RBM26: variants seen among roughly 807,000 people sequenced by gnomAD.
RBM26 encodes the protein RNA-binding protein 26.
RBM26 carries 30 observed loss-of-function variants against 123.6 expected under a neutral mutation model. The observed-to-expected ratio is 0.24, with a 90% CI of 0.18 to 0.33. The LOEUF is 0.33. RBM26 is among the 10% of genes least tolerant of loss of function. The pLI is 1.00. For synonymous variants in RBM26, 400 were observed against 404.4 expected, an observed-to-expected ratio of 0.99 and a Z score of 0.13; for missense variants, 947 against 1,203.6, an observed-to-expected ratio of 0.79 and a Z score of 3.15.
At chr13:79,318,120 G>A (rs1593842084), downstream of RBM26, among the ~76,000 whole-genome samples, 2 of 151,468 alleles carry the variant, frequency 1.3e-5, no homozygotes, top group South Asian at 4.2e-4. Context: ...GTATAAGTAT[G>A]AACTGGCGAA....
downstream of RBM26, chr13:79,314,756 GA>G (rs1415286288): frequency 4.2e-6 from 1 of 236,708 alleles, no homozygotes; most frequent in Admixed American, 5.3e-5. Flanking sequence ...AGTATGGGGA[GA>G]AAACATTTAA....
At chr13:79,313,271 A>AT (rs201062171) in exon 5 of RBM26, 1 of 151,864 alleles carries the variant, frequency 6.6e-6, no homozygotes, top group Non-Finnish European at 1.5e-5. Flanking sequence ...TCTCAAAGCA[A>AT]TTTTAAAAAA....
chr13:79,392,163 A>G (rs13379003), intron 1 of RBM26, among the ~76,000 whole-genome samples: 1 of 42,090 alleles, frequency 2.4e-5, no homozygotes. Flanking sequence ...ATATAATTAT[A>G]TATTATACAA....
At chr13:79,379,972 A>G (rs1683182941) in intron 1 of RBM26, among the ~76,000 whole-genome samples, 1 of 152,214 alleles carries the variant, frequency 6.6e-6, no homozygotes. Flanking sequence ...AAATCCAATA[A>G]ATATGAAAAT....
chr13:79,375,035 A>AT (rs36014800), intron 3 of RBM26, among the ~76,000 whole-genome samples: 1 of 137,034 alleles, frequency 7.3e-6, no homozygotes, highest in Admixed American at 7.8e-5. Flanking sequence ...TATTTTATAC[A>AT]TTTTTTATAT....
At chr13:79,359,955 T>A (rs891552756) in intron 9 of RBM26, among the ~76,000 whole-genome samples, 1 of 152,072 alleles carries the variant, frequency 6.6e-6, no homozygotes, top group Admixed American at 6.6e-5. Context: ...AGTTTTAAAC[T>A]GCCTGCAGTT....
At chr13:79,360,694 A>T (rs2074574777) in intron 9 of RBM26, among the ~76,000 whole-genome samples, 1 of 125,282 alleles carries the variant, frequency 8.0e-6, no homozygotes, top group South Asian at 2.7e-4. Context: ...AATGTAATGA[A>T]AGCATACTTG....
At chr13:79,395,350 A>T (rs915812334) in intron 1 of RBM26, among the ~76,000 whole-genome samples, 2 of 152,200 alleles carry the variant, frequency 1.3e-5, no homozygotes, top group African/African-American at 4.8e-5. Flanking sequence ...GAATACACAG[A>T]AACTATTAAA....
At position 79,366,187 on chromosome 13, in the gene RBM26, G is replaced by A; in HGVS notation, c.1144C>T (p.Pro382Ser). 6.2e-7 allele frequency: 1 copy of A among 1,611,514 alleles called. No homozygotes were observed. Among genetic ancestry groups the A allele is most frequent in the Non-Finnish European group, 8.5e-7 (1 of 1,179,216 alleles). The change falls in exon 8 of 22, where the codon CCT becomes TCT. Residue 382 changes from proline to serine, a missense_variant. Coordinates refer to ENST00000438737, the MANE Select transcript of RBM26 (RefSeq NM_001366735.2). ...PSLPPVTGPPPPLPPLQPSGM... is the reference protein window; with the variant it reads ...PSLPPVTGPPSPLPPLQPSGM... ...GATGGCTGCAAAGGAGGAAGTGGAGGTGGTGGTCCTGTCAAAACCAAAGAA... is the reference window on the plus strand; with the variant it reads ...GATGGCTGCAAAGGAGGAAGTGGAGATGGTGGTCCTGTCAAAACCAAAGAA...
At chr13:79,393,294 A>G (rs941155859) in intron 1 of RBM26, among the ~76,000 whole-genome samples, 1 of 152,196 alleles carries the variant, frequency 6.6e-6, no homozygotes, top group Non-Finnish European at 1.5e-5. Flanking sequence ...CTCCCCAGCA[A>G]TTCAAAAACC....
downstream of RBM26, among the ~76,000 whole-genome samples, chr13:79,318,620 G>A (rs1170311292): frequency 6.6e-6 from 1 of 151,348 alleles, no homozygotes; most frequent in East Asian, 1.9e-4. Context: ...AAAGCAACAT[G>A]GCTTAAAACA....
chr13:79,382,596 A>G (rs2077149329), intron 1 of RBM26, among the ~76,000 whole-genome samples: 1 of 152,208 alleles, frequency 6.6e-6, no homozygotes, highest in Admixed American at 6.5e-5. Context: ...AGCAAAAACT[A>G]CAAAATAAGG....
intron 21 of RBM26, 38 bp downstream of exon 21, chr13:79,322,311 G>T (rs920051694): frequency 7.7e-7 from 1 of 1,304,714 alleles, no homozygotes; most frequent in Non-Finnish European, 1.1e-6. Flanking sequence ...AGCTATGAAC[G>T]ATTAAGGGTA....
chr13:79,362,034 C>A (rs115144046), intron 9 of RBM26, among the ~76,000 whole-genome samples: 316 of 152,178 alleles, frequency 2.1e-3, no homozygotes, highest in African/African-American at 7.2e-3. Flanking sequence ...GATTAAGGAC[C>A]AAAGTTCTAC....
intron 5 of RBM26, 50 bp downstream of exon 5, chr13:79,370,895 A>G (rs765568042): frequency 6.4e-7 from 1 of 1,552,372 alleles, no homozygotes; most frequent in South Asian, 1.2e-5. Context: ...TTTTAAAAAC[A>G]TTTAAACATG....
chr13:79,373,158 A>ATTAC (rs1555330907), intron 3 of RBM26, among the ~76,000 whole-genome samples: 1 of 101,018 alleles, frequency 9.9e-6, no homozygotes. Context: ...TATTTTATGT[A>ATTAC]TTATATATTT....
In RBM26 at chr13:79,322,344, C is replaced by T. The variant is rs746971518; in HGVS notation, c.2934+5G>A. ...GTAAAAATAAGTGGAAAAAAAATAACATACTTCTTCTTCATCAGGCTCAAC... is the reference window on the plus strand; with the variant it reads ...GTAAAAATAAGTGGAAAAAAAATAATATACTTCTTCTTCATCAGGCTCAAC... On this transcript the variant is annotated splice_donor_5th_base_variant and intron_variant, in intron 21 of 21. Transcript: ENST00000438737. The T allele has an allele frequency of 6.5e-7, 1 of 1,530,642 alleles. No individual in the cohort carries two copies. The highest frequency in any genetic ancestry group is 2.4e-5 in the East Asian group (1 of 42,088). The allele number at this position is 1,530,642 out of a possible 1,614,324, so 94.8% of individuals were successfully genotyped here. A position where few individuals can be genotyped will look rare whatever the true frequency, so the allele number is the denominator to read the frequency against.
At chr13:79,377,207 C>T in intron 3 of RBM26, 172 bp downstream of exon 3, 1 of 526,664 alleles carries the variant, frequency 1.9e-6, no homozygotes, top group Admixed American at 3.1e-5. Flanking sequence ...TGAAATAAGC[C>T]AGGGCCATAA....
At chr13:79,342,074 G>A (rs1437840551) in intron 17 of RBM26, among the ~76,000 whole-genome samples, 2 of 151,752 alleles carry the variant, frequency 1.3e-5, no homozygotes, top group Admixed American at 6.6e-5. Flanking sequence ...TTAGTGGAAC[G>A]AAGTTGTCAT....
Sources: allele counts gnomAD v4.1 joint callset (sites outside exome capture counted in the v4.1 genomes callset), GRCh38; gene constraint gnomAD v4.1.1; transcripts MANE v1.5; gene names NCBI Gene and HGNC (gene_info 2026-07-23, HGNC 2026-07-21).